The following RTKN2 variants were observed in gnomAD, a reference collection of about 807,000 sequenced individuals.
The protein encoded by RTKN2 is rhotekin 2, also known as rhotekin-2.
A neutral mutation model predicts 71.5 loss-of-function variants in RTKN2; 69 were observed. That is an observed-to-expected ratio of 0.96 (90% CI 0.79 to 1.18). RTKN2 has a LOEUF of 1.18. Ranked by LOEUF, RTKN2 falls within the 50% of genes most tolerant of loss-of-function variation. The pLI, the probability that RTKN2 is intolerant of heterozygous loss-of-function variation, is 0.00. For missense variants in RTKN2, 724 were observed against 719.7 expected (o/e 1.01, Z -0.07); for synonymous variants, 236 against 236.5 (o/e 1.00, Z 0.02).
rs1387339016 is a variant in RTKN2 at position 62,195,370 on chromosome 10, TA to T, written c.*2537del. Reference sequence around the variant, plus strand: ...TATTACATGGCATATTTATTTGTCATAAACTTCTGGTTTAAGAAATGAGAAA... The same window carrying T: ...TATTACATGGCATATTTATTTGTCATAACTTCTGGTTTAAGAAATGAGAAA... On this transcript the variant is annotated 3_prime_UTR_variant, in exon 12 of 12. Coordinates refer to ENST00000373789, the MANE Select transcript of RTKN2 (RefSeq NM_145307.4). 1 of 983,984 alleles carries T rather than the reference TA, an allele frequency of 1.0e-6. No individual in the cohort carries two copies. The allele number at this position is 983,984 out of a possible 1,614,324, so 61.0% of individuals were successfully genotyped here. A position where few individuals can be genotyped will look rare whatever the true frequency, so the allele number is the denominator to read the frequency against.
At chr10:62,228,790 A>G (rs1451521132) in intron 6 of RTKN2, among the ~76,000 whole-genome samples, 1 of 152,172 alleles carries the variant, frequency 6.6e-6, no homozygotes, top group Non-Finnish European at 1.5e-5. Flanking sequence ...GCAAACACTG[A>G]GGCAGATGTG....
intron 8 of RTKN2, chr10:62,184,509 G>A (rs1841104263): frequency 1.0e-5 from 6 of 574,214 alleles, no homozygotes; most frequent in Non-Finnish European, 1.5e-5. Flanking sequence ...CAGGAAAAAT[G>A]AGTTGTCTTA....
At chr10:62,248,308 T>G (rs1458196612) in intron 2 of RTKN2, among the ~76,000 whole-genome samples, 1 of 152,120 alleles carries the variant, frequency 6.6e-6, no homozygotes, top group African/African-American at 2.4e-5. Flanking sequence ...TGAATTACTT[T>G]CAATTCAAAT....
In RTKN2 at chr10:62,205,299, CCT is replaced by C. The variant is rs561408881; in HGVS notation, c.1021-279_1021-278del. ...AATTACATGAGATTAAAACATAACCCCTGTTTTGATCCATCTCAGTTTAAGTG... is the reference window on the plus strand; with the variant it reads ...AATTACATGAGATTAAAACATAACCCGTTTTGATCCATCTCAGTTTAAGTG... On this transcript the variant is annotated intron_variant, in intron 9 of 11. Coordinates refer to ENST00000373789, the MANE Select transcript of RTKN2 (RefSeq NM_145307.4). 1.8e-3 allele frequency among the ~76,000 whole-genome samples: 275 copies of C among 152,176 alleles called. 1 individual carries two copies. Among genetic ancestry groups the C allele is most frequent in the Admixed American group, 3.5e-3 (54 of 15,286 alleles).
At chr10:62,209,112 T>C (rs1589340860) in intron 9 of RTKN2, among the ~76,000 whole-genome samples, 1 of 151,806 alleles carries the variant, frequency 6.6e-6, no homozygotes, top group Non-Finnish European at 1.5e-5. Context: ...CTACTAAAAA[T>C]ACAAAATTAG....
chr10:62,244,885 C>T (rs1053785097), intron 3 of RTKN2, among the ~76,000 whole-genome samples: 1 of 152,032 alleles, frequency 6.6e-6, no homozygotes, highest in Admixed American at 6.6e-5. Context: ...GTAGGTCTAC[C>T]GTCCTGTGTG....
chr10:62,223,250 T>A lies in RTKN2; in HGVS notation c.769A>T (p.Ile257Phe), dbSNP rs749162586. 1 of 1,593,300 alleles carries A rather than the reference T, an allele frequency of 6.3e-7. No individual in the cohort carries two copies. The highest frequency in any genetic ancestry group is 8.6e-7 in the Non-Finnish European group (1 of 1,161,482). Residue 257 changes from isoleucine (I) to phenylalanine (F), a missense_variant, in exon 7 of 12, where the codon ATT becomes TTT. Coordinates refer to ENST00000373789, the MANE Select transcript of RTKN2 (RefSeq NM_145307.4). ...ATACTGTACTTACCATTTCCATTAA[T>A]AGACAGATTATGGGTCTTGAAACTA... The part of the protein sequence containing the change: ...EDSFKTHNLS[I>F]NGNEESSFWL...
At chr10:62,206,249 G>A (rs1238854301) in intron 9 of RTKN2, among the ~76,000 whole-genome samples, 1 of 152,136 alleles carries the variant, frequency 6.6e-6, no homozygotes, top group Non-Finnish European at 1.5e-5. Context: ...ACTGTAATGT[G>A]TGACAATAAT....
exon 9 of RTKN2, chr10:62,184,121 G>GAAAAAAAATTTGTA: frequency 2.1e-6 from 1 of 475,158 alleles, no homozygotes; most frequent in Non-Finnish European, 3.7e-6. Context: ...AAATAAACAT[G>GAAAAAAAATTTGTA]GACAGCTCTA....
chr10:62,214,151 T>C lies in RTKN2; in HGVS notation c.1020+2967A>G, dbSNP rs930358915. Among the ~76,000 whole-genome samples, 7 of 151,924 alleles carry C rather than the reference T, an allele frequency of 4.6e-5. No individual in the cohort carries two copies. The East Asian group carries it at 1.3e-3, about 29-fold the overall frequency. ...ACAGAATACTTTGTCACCAGTTTCA[T>C]CTTTGAGATTAACAATTAAATTATA... On this transcript the variant is annotated intron_variant, in intron 9 of 11. Transcript: ENST00000373789.
Position 62,204,928 on chromosome 10 carries a change from A to G in RTKN2, c.1115T>C (p.Ile372Thr). ...ATCTTCTCTATTGTCAACTGCAAAA[A>G]TCTGAGTTATAGCTTGTCCAGGAAC... ...NPVPGQAITQ[I>T]FAVDNREDLQ... Residue 372 changes from isoleucine to threonine, a missense_variant, in exon 10 of 12, where the codon ATT (isoleucine) becomes ACT (threonine). Coordinates refer to ENST00000373789, the MANE Select transcript of RTKN2 (RefSeq NM_145307.4). 2 of 1,604,718 alleles carry G rather than the reference A, an allele frequency of 1.2e-6. No homozygotes were observed. Among genetic ancestry groups the G allele is most frequent in the Non-Finnish European group, 1.7e-6 (2 of 1,176,846 alleles).
chr10:62,207,714 T>C (rs563297417), intron 9 of RTKN2, among the ~76,000 whole-genome samples: 54 of 152,196 alleles, frequency 3.5e-4, no homozygotes, highest in African/African-American at 1.3e-3. Flanking sequence ...AAATATTGCC[T>C]AGTACTCAGT....
intron 4 of RTKN2, among the ~76,000 whole-genome samples, chr10:62,240,432 T>C (rs539724933): frequency 6.6e-6 from 1 of 152,292 alleles, no homozygotes; most frequent in South Asian, 2.1e-4. Context: ...AAGCTTTACT[T>C]AATTCCCACA....
Position 62,196,043 on chromosome 10 carries a change from T to G in RTKN2, c.*1865A>C. The G allele has an allele frequency of 1.0e-6, 1 of 984,122 alleles. No individual in the cohort carries two copies. 61.0% of individuals were successfully genotyped at this position (984,122 alleles called of 1,614,324 possible). On this transcript the variant is annotated 3_prime_UTR_variant, in exon 12 of 12. Transcript: ENST00000373789. ...ATTTGTAATAAAGGAAGGCATCAAC[T>G]AGGAAAAAAAAAAGAATGCTTAGAT...
intron 9 of RTKN2, chr10:62,215,004 G>C: frequency 9.7e-7 from 1 of 1,028,134 alleles, no homozygotes; most frequent in Non-Finnish European, 1.4e-6. Context: ...CTGTAAAACA[G>C]GGCTGTCATC....
intron 11 of RTKN2, 75 bp from the exon 12 acceptor site, chr10:62,198,518 C>T: frequency 8.8e-7 from 1 of 1,138,036 alleles, no homozygotes. Flanking sequence ...AAGTTCTTTT[C>T]CAAACTAGTA....
chr10:62,241,164 A>G lies in RTKN2; in HGVS notation c.348T>C (p.Ser116=). The G allele has an allele frequency of 6.4e-7, 1 of 1,559,796 alleles. No individual in the cohort carries two copies. The highest frequency in any genetic ancestry group is 1.4e-5 in the African/African-American group (1 of 73,354). ...DIRIPLMWKD[S]DHFSNKERSR... ...TACGTTCTTTATTGCTGAAGTGATCAGAGTCTTTCCACATTAGTGGTATTC... is the reference window on the plus strand; with the variant it reads ...TACGTTCTTTATTGCTGAAGTGATCGGAGTCTTTCCACATTAGTGGTATTC... Residue 116 remains serine, a synonymous_variant, in exon 4 of 12, where the codon TCT becomes TCC. Coordinates refer to ENST00000373789, the MANE Select transcript of RTKN2 (RefSeq NM_145307.4).
Position 62,223,303 on chromosome 10 carries a change from G to C in RTKN2, c.716C>G (p.Thr239Ser), listed in dbSNP as rs150750119. The change falls in exon 7 of 12, where the codon ACT becomes AGT. Residue 239 changes from threonine (T) to serine (S), a missense_variant. Coordinates refer to ENST00000373789, the MANE Select transcript of RTKN2 (RefSeq NM_145307.4). ...CTCAGCACTTTCCAAGGTTAGGGTA[G>C]TGTGAGCTAGCAAATTATACTTTAC... ...FGVKYNLLAH[T>S]TLTLESAEDS... 3 of 1,609,340 alleles carry C rather than the reference G, an allele frequency of 1.9e-6. No homozygotes were observed. In the African/African-American group the frequency reaches 4.0e-5, roughly 22 times the overall value.
Position 62,219,045 on chromosome 10 carries a change from C to T in RTKN2, c.782-744G>A, listed in dbSNP as rs533352878. ...TTCAGAGAACTTAAGATAACTTCAT[C>T]AACATTTTTGGCCCTTCCTCCTCCC... On this transcript the variant is annotated intron_variant, in intron 7 of 11. Transcript: ENST00000373789. Among the ~76,000 whole-genome samples, 5 of 152,136 alleles carry T rather than the reference C, an allele frequency of 3.3e-5. No homozygotes were observed. In the South Asian group the frequency reaches 1.0e-3, roughly 32 times the overall value.
Sources: allele counts gnomAD v4.1 joint callset (sites outside exome capture counted in the v4.1 genomes callset), GRCh38; gene constraint gnomAD v4.1.1; transcripts MANE v1.5; gene names NCBI Gene and HGNC (gene_info 2026-07-23, HGNC 2026-07-21).